Variants in GNAS observed in about 807,000 individuals in gnomAD.
The protein encoded by GNAS is protein ALEX.
Under a neutral mutation model 54.5 loss-of-function variants are expected in GNAS, and 8 were observed. The ratio of observed to expected loss-of-function variants is 0.15; its 90% CI spans 0.09 to 0.26. The LOEUF (loss-of-function observed/expected upper bound fraction) is 0.26, where lower values mean the gene tolerates loss of function less well. Among genes scored for constraint, GNAS ranks in the 10% least tolerant of loss-of-function variants. The probability of loss-of-function intolerance (pLI) is 1.00; values close to 1 mark genes in which losing one functional copy is unlikely to be tolerated. For missense variants in GNAS, 170 were observed against 529.8 expected (o/e 0.32, Z 6.67); for synonymous variants, 204 against 191.4 (o/e 1.07, Z -0.54).
intron 1 of GNAS, chr20:58,854,837 C>A (rs1377352264): frequency 6.3e-7 from 1 of 1,596,162 alleles, no homozygotes; most frequent in Admixed American, 1.7e-5. Flanking sequence ...GGGCCAGACG[C>A]AAGATCCATC....
chr20:58,849,225 C>A (rs1304895007), intron 1 of GNAS, among the ~76,000 whole-genome samples: 1 of 152,090 alleles, frequency 6.6e-6, no homozygotes, highest in Non-Finnish European at 1.5e-5. Flanking sequence ...CAAAGAATTG[C>A]CTGGCCCCAA....
At chr20:58,900,693 G>C (rs946886501) in intron 3 of GNAS, among the ~76,000 whole-genome samples, 1 of 152,272 alleles carries the variant, frequency 6.6e-6, no homozygotes, top group Non-Finnish European at 1.5e-5. Context: ...TTGTTGAGTA[G>C]TTTAAAGACA....
At position 58,863,813 on chromosome 20, in the gene GNAS, G is replaced by A. The variant is rs1291229180; in HGVS notation, c.43+22927G>A. ...GAACGATTTTGCCATTCATCAAACT[G>A]ATTGCTAATGTGCAAATTACATGAT... On this transcript the variant is annotated intron_variant, in intron 1 of 12. Coordinates refer to the GNAS transcript ENST00000306090. The surrounding 1 kb of genome is among the most constrained non-coding windows in gnomAD (Gnocchi z 4.1). 1.3e-5 allele frequency: 2 copies of A among 152,644 alleles called. No individual in the cohort carries two copies. Among genetic ancestry groups the A allele is most frequent in the Non-Finnish European group, 2.9e-5 (2 of 68,048 alleles). The allele number at this position is 152,644 out of a possible 1,614,324, so 9.5% of individuals were successfully genotyped here.
chr20:58,862,656 C>G (rs111557814), intron 1 of GNAS, among the ~76,000 whole-genome samples: 1 of 151,506 alleles, frequency 6.6e-6, no homozygotes, highest in Non-Finnish European at 1.5e-5. Context: ...CTCATTCTGT[C>G]TTTCTGTCTC....
intron 1 of GNAS, among the ~76,000 whole-genome samples, chr20:58,876,132 C>T (rs2087797546): frequency 3.9e-5 from 6 of 152,066 alleles, no homozygotes; most frequent in Admixed American, 2.6e-4. Flanking sequence ...CTTGACTTGC[C>T]AGATATTAGC....
rs2090958503 is a variant in GNAS at position 58,905,240 on chromosome 20, T to C, written c.433-143T>C. The C allele has an allele frequency of 2.8e-5, 19 of 684,642 alleles. No individual in the cohort carries two copies. In the South Asian group the frequency reaches 3.0e-4, roughly 11 times the overall value. 42.4% of individuals were successfully genotyped at this position (684,642 alleles called of 1,614,324 possible). On this transcript the variant is annotated intron_variant, in intron 5 of 12. Transcript: ENST00000371085. Reference sequence around the variant, plus strand: ...GTTGAATTAAAGTTCTTTGTGAGCATTAATTCATTAATTGGGCTCAAAATT... The same window carrying C: ...GTTGAATTAAAGTTCTTTGTGAGCACTAATTCATTAATTGGGCTCAAAATT...
At chr20:58,887,274 G>A (rs1408880065), upstream of GNAS, among the ~76,000 whole-genome samples, 1 of 152,228 alleles carries the variant, frequency 6.6e-6, no homozygotes, top group Non-Finnish European at 1.5e-5. Context: ...CAGGAAGGAA[G>A]ATGCTTTTGA....
chr20:58,891,989 G>C (rs1568980745), intron 1 of GNAS, 124 bp downstream of exon 1: 12 of 773,100 alleles, frequency 1.6e-5, no homozygotes, highest in Non-Finnish European at 1.7e-5. Context: ...CCCGTTCGCG[G>C]GCTCTGTCTG....
chr20:58,891,730 G>A lies in GNAS; in HGVS notation c.4G>A (p.Gly2Ser). ...CCCCGCCGCCGCCGCCGCCGCCATG[G>A]GCTGCCTCGGGAACAGTAAGACCGA... M[G>S]CLGNSKTEDQ... The change falls in exon 1 of 13, where the codon GGC (glycine) becomes AGC (serine). Residue 2 changes from glycine (G) to serine (S), a missense_variant. Coordinates refer to ENST00000371085, the MANE Select transcript of GNAS (RefSeq NM_000516.7). The A allele has an allele frequency of 1.7e-6, 2 of 1,162,434 alleles. No homozygotes were observed. The highest frequency in any genetic ancestry group is 7.4e-5 in the East Asian group (1 of 13,448). The allele number at this position is 1,162,434 out of a possible 1,614,324, so 72.0% of individuals were successfully genotyped here.
chr20:58,866,272 GTTAGA>G (rs2087059221), intron 1 of GNAS, among the ~76,000 whole-genome samples: 1 of 152,152 alleles, frequency 6.6e-6, no homozygotes, highest in Admixed American at 6.5e-5. Context: ...AAGACAGACA[GTTAGA>G]TTGCAGGAGA....
upstream of GNAS, chr20:58,888,589 C>G (rs976547698): frequency 6.6e-6 from 1 of 152,322 alleles, no homozygotes; most frequent in African/African-American, 2.4e-5. Context: ...CCTCTCCCAC[C>G]TGGGAGGACG....
At chr20:58,901,400 G>T (rs1346937707) in intron 3 of GNAS, among the ~76,000 whole-genome samples, 2 of 152,172 alleles carry the variant, frequency 1.3e-5, no homozygotes, top group African/African-American at 4.8e-5. Context: ...ACTCTAAGGT[G>T]GTTGCTTTAA....
At position 58,855,532 on chromosome 20, in the gene GNAS, G is replaced by C. The variant is rs117282861; in HGVS notation, c.43+14646G>C. On this transcript the variant is annotated intron_variant, in intron 1 of 12. Transcript: ENST00000306090. ...GAGGGGATCTTTGGTGGATTCGGGTGGCCGAAGTATATGCCCTCCAGGGAG... is the reference window on the plus strand; with the variant it reads ...GAGGGGATCTTTGGTGGATTCGGGTCGCCGAAGTATATGCCCTCCAGGGAG... 7.5e-3 allele frequency: 5,447 copies of C among 723,096 alleles called. 46 individuals carry two copies. The highest frequency in any genetic ancestry group is 0.013 in the Middle Eastern group (55 of 4,372). The allele number at this position is 723,096 out of a possible 1,614,324, so 44.8% of individuals were successfully genotyped here.
Position 58,910,922 on chromosome 20 carries a change from A to G in GNAS, c.*93A>G, listed in dbSNP as rs150335277. On this transcript the variant is annotated 3_prime_UTR_variant, in exon 13 of 13. Coordinates refer to ENST00000371085, the MANE Select transcript of GNAS (RefSeq NM_000516.7). This position sits in a 1 kb window ranked among gnomAD's most constrained non-coding sequence, Gnocchi z 5.8. ...AGCAGTTAATCACCCACCATAGGGC[A>G]TGATTAACAAAGCAACCTTTCCCTT... 3.2e-6 allele frequency: 4 copies of G among 1,253,278 alleles called. No homozygotes were observed. Among genetic ancestry groups the G allele is most frequent in the South Asian group, 2.4e-5 (2 of 82,090 alleles). The allele number at this position is 1,253,278 out of a possible 1,614,324, so 77.6% of individuals were successfully genotyped here. A position where few individuals can be genotyped will look rare whatever the true frequency, so the allele number is the denominator to read the frequency against.
intron 2 of GNAS, chr20:58,898,708 GT>G: frequency 1.6e-6 from 1 of 621,752 alleles, no homozygotes; most frequent in Non-Finnish European, 2.9e-6. Context: ...AGAGAGCTCT[GT>G]TAATACTGCA....
chr20:58,890,902 CTG>C (rs899593277), upstream of GNAS: 4 of 152,176 alleles, frequency 2.6e-5, no homozygotes, highest in African/African-American at 9.7e-5. Context: ...CTCTGGCTCT[CTG>C]TGTCTCTCGC....
At chr20:58,890,160 A>AAGAAGG (rs935455527), upstream of GNAS, among the ~76,000 whole-genome samples, 1 of 151,802 alleles carries the variant, frequency 6.6e-6, no homozygotes, top group African/African-American at 2.4e-5. Flanking sequence ...GGAGGAGAAG[A>AAGAAGG]AGAAGGAGAA....
chr20:58,905,536 A>C, intron 6 of GNAS, 56 bp downstream of exon 6: 1 of 958,548 alleles, frequency 1.0e-6, no homozygotes, highest in Non-Finnish European at 1.7e-6. Context: ...ACAAGAAAAC[A>C]TGAAAACCTG....
At position 58,891,876 on chromosome 20, in the gene GNAS, GC is replaced by G; in HGVS notation, c.139+12del. On this transcript the variant is annotated intron_variant, in intron 1 of 12. Coordinates refer to ENST00000371085, the MANE Select transcript of GNAS (RefSeq NM_000516.7). The stretch of plus-strand genomic sequence containing the variant: ...GCCTGCTGCTGCTGGGTAAGGGCGG[GC>G]GGGGGGCGCCGGCCCCGGCCCGGGG... 8.6e-7 allele frequency: 1 copy of G among 1,167,410 alleles called. No individual in the cohort carries two copies. Among genetic ancestry groups the G allele is most frequent in the Non-Finnish European group, 1.1e-6 (1 of 913,732 alleles). 72.3% of individuals were successfully genotyped at this position (1,167,410 alleles called of 1,614,324 possible).
Sources: allele counts gnomAD v4.1 joint callset (sites outside exome capture counted in the v4.1 genomes callset), GRCh38; gene constraint gnomAD v4.1.1; non-coding constraint Gnocchi (gnomAD v3.1); transcripts MANE v1.5; gene names NCBI Gene and HGNC (gene_info 2026-07-23, HGNC 2026-07-21).